Variants in IQCM observed in about 807,000 individuals in gnomAD.
The protein encoded by IQCM is IQ domain-containing protein M.
A neutral mutation model predicts 57.6 loss-of-function variants in IQCM; 45 were observed. The observed-to-expected ratio is 0.78, with a 90% confidence interval of 0.62 to 1.00. The LOEUF is 1.00. Among genes scored for constraint, IQCM ranks in the 50% least tolerant of loss-of-function variants. IQCM has a pLI of 0.00. For synonymous variants in IQCM, 148 were observed against 158.9 expected (o/e 0.93, Z 0.51); for missense variants, 468 against 511.6 (o/e 0.91, Z 0.82).
intron 12 of IQCM, among the ~76,000 whole-genome samples, chr4:149,525,769 T>C (rs1162554910): frequency 6.6e-6 from 1 of 151,844 alleles, no homozygotes; most frequent in African/African-American, 2.4e-5. Context: ...ACATAGAAAT[T>C]TAAAGATTTC....
intron 5 of IQCM, among the ~76,000 whole-genome samples, chr4:149,731,875 G>A (rs570972261): frequency 6.6e-6 from 1 of 152,016 alleles, no homozygotes; most frequent in African/African-American, 2.4e-5. Context: ...TTATTTAAAT[G>A]TTTCTAACCA....
chr4:149,456,018 C>A (rs1203405758), intron 12 of IQCM, among the ~76,000 whole-genome samples: 1 of 151,724 alleles, frequency 6.6e-6, no homozygotes, highest in Non-Finnish European at 1.5e-5. Flanking sequence ...AGATTTCTTA[C>A]TTCACCATCA....
intron 2 of IQCM, among the ~76,000 whole-genome samples, chr4:149,748,525 C>T (rs189666342): frequency 2.2e-3 from 330 of 152,052 alleles, no homozygotes; most frequent in Middle Eastern, 6.8e-3. Flanking sequence ...CTCTTTTTTT[C>T]ACCTTTTGAC....
At chr4:149,620,522 A>G (rs1296310672) in intron 8 of IQCM, among the ~76,000 whole-genome samples, 1 of 152,256 alleles carries the variant, frequency 6.6e-6, no homozygotes, top group African/African-American at 2.4e-5. Flanking sequence ...AATGTTGTAA[A>G]ATAGCATTAC....
rs1354358119 is a variant in IQCM at position 149,368,912 on chromosome 4, ATATG to A, written c.1391-16850_1391-16847del. Reference sequence around the variant, plus strand: ...TATGTATATATATACACGTGTATATATATGTGTATATATATACACGTGTATATAT... The same window carrying A: ...TATGTATATATATACACGTGTATATATGTATATATATACACGTGTATATAT... On this transcript the variant is annotated intron_variant, in intron 13 of 13. Coordinates refer to ENST00000636793, the MANE Select transcript of IQCM (RefSeq NM_001363507.2). Among the ~76,000 whole-genome samples the A allele has an allele frequency of 1.3e-4, 10 of 76,024 alleles. 4 individuals are homozygous for A. The highest frequency in any genetic ancestry group is 4.0e-4 in the African/African-American group (9 of 22,280). The allele number at this position is 76,024 out of a possible 152,430, so 49.9% of individuals were successfully genotyped here. A position where few individuals can be genotyped will look rare whatever the true frequency, so the allele number is the denominator to read the frequency against.
intron 2 of IQCM, among the ~76,000 whole-genome samples, chr4:149,746,284 A>T (rs1336609854): frequency 6.6e-6 from 1 of 152,034 alleles, no homozygotes; most frequent in East Asian, 1.9e-4. Flanking sequence ...CAAGCCATAA[A>T]TCTTTTATTT....
chr4:149,815,748 T>C lies in IQCM; in HGVS notation c.-235A>G, dbSNP rs913541817. On this transcript the variant is annotated 5_prime_UTR_variant, in exon 1 of 14. Coordinates refer to ENST00000636793, the MANE Select transcript of IQCM (RefSeq NM_001363507.2). ...CCAGCTTTATATTTCTTTAAATTTT[T>C]AAGACCAATTCAAAATAGGTAATGA... 3.3e-5 allele frequency: 5 copies of C among 152,030 alleles called. No homozygotes were observed. Among genetic ancestry groups the C allele is most frequent in the African/African-American group, 1.2e-4 (5 of 41,434 alleles). 9.4% of individuals were successfully genotyped at this position (152,030 alleles called of 1,614,324 possible). A position where few individuals can be genotyped will look rare whatever the true frequency, so the allele number is the denominator to read the frequency against.
rs1226749620 is a variant in IQCM, at chr4:149,621,219, T to C, written c.591A>G (p.Gly197=). The C allele has an allele frequency of 8.1e-7, 1 of 1,231,464 alleles. No homozygotes were observed. Among genetic ancestry groups the C allele is most frequent in the Non-Finnish European group, 1.0e-6 (1 of 987,346 alleles). The allele number at this position is 1,231,464 out of a possible 1,614,324, so 76.3% of individuals were successfully genotyped here. The change falls in exon 8 of 14, where the codon GGA becomes GGG. Residue 197 remains glycine (G), a synonymous_variant. Coordinates refer to ENST00000636793, the MANE Select transcript of IQCM (RefSeq NM_001363507.2). Reference sequence around the variant, plus strand: ...AACGGAAAGACCTTGTCAGCACAAATCCTCTCCAGTCATAGAATGCTTTGT... The same window carrying C: ...AACGGAAAGACCTTGTCAGCACAAACCCTCTCCAGTCATAGAATGCTTTGT... ...EPDKAFYDWR[G]FVLTRSFRLA...
At chr4:149,547,565 G>A (rs964540336) in intron 12 of IQCM, among the ~76,000 whole-genome samples, 1 of 152,026 alleles carries the variant, frequency 6.6e-6, no homozygotes, top group African/African-American at 2.4e-5. Context: ...TAAGTTCTGG[G>A]GATCTAATGT....
chr4:149,367,429 T>C lies in IQCM; in HGVS notation c.1391-15363A>G, dbSNP rs146797134. 1.2e-3 allele frequency among the ~76,000 whole-genome samples: 188 copies of C among 152,124 alleles called. 1 individual carries two copies. The highest frequency in any genetic ancestry group is 4.4e-3 in the African/African-American group (183 of 41,548). ...GCTTATTCTTGTTTTACAGAAATTA[T>C]ATCATACTATTCACATTTTGACTTA... On this transcript the variant is annotated intron_variant, in intron 13 of 13. Coordinates refer to ENST00000636793, the MANE Select transcript of IQCM (RefSeq NM_001363507.2).
At chr4:149,555,481 G>A (rs1237349952) in intron 10 of IQCM, among the ~76,000 whole-genome samples, 1 of 152,176 alleles carries the variant, frequency 6.6e-6, no homozygotes, top group African/African-American at 2.4e-5. Context: ...TAGAGTAACT[G>A]TAGTACCAAT....
intron 7 of IQCM, among the ~76,000 whole-genome samples, chr4:149,640,917 G>A (rs1468131696): frequency 6.6e-6 from 1 of 152,126 alleles, no homozygotes; most frequent in Non-Finnish European, 1.5e-5. Flanking sequence ...ATCATCTAAG[G>A]TCAGGAGTTC....
At chr4:149,437,038 G>A (rs1263544932) in intron 12 of IQCM, among the ~76,000 whole-genome samples, 2 of 152,092 alleles carry the variant, frequency 1.3e-5, no homozygotes, top group African/African-American at 4.8e-5. Context: ...AGCATAGGGA[G>A]GTTACAGGGC....
chr4:149,758,510 G>T (rs1418322502), intron 2 of IQCM, among the ~76,000 whole-genome samples: 2 of 152,122 alleles, frequency 1.3e-5, no homozygotes, highest in Non-Finnish European at 2.9e-5. Context: ...CTTCTGCTCT[G>T]TAAAAGACAC....
chr4:149,686,274 G>T, intron 6 of IQCM, 104 bp downstream of exon 6: 1 of 433,902 alleles, frequency 2.3e-6, no homozygotes, highest in Non-Finnish European at 3.8e-6. Flanking sequence ...TTCATGTATG[G>T]GGTGTTAATA....
intron 7 of IQCM, among the ~76,000 whole-genome samples, chr4:149,647,227 C>T (rs1910467): frequency 3.4e-4 from 52 of 152,168 alleles, no homozygotes; most frequent in African/African-American, 1.1e-3. Context: ...TCTTTAATAC[C>T]TTAACTTATA....
intron 7 of IQCM, among the ~76,000 whole-genome samples, chr4:149,667,869 C>T (rs1368859512): frequency 6.6e-6 from 1 of 151,422 alleles, no homozygotes; most frequent in Non-Finnish European, 1.5e-5. Context: ...AGCATGAAGA[C>T]AAGATTAGAG....
chr4:149,700,320 C>T (rs993361087), intron 5 of IQCM, among the ~76,000 whole-genome samples: 15 of 152,078 alleles, frequency 9.9e-5, no homozygotes, highest in African/African-American at 3.6e-4. Context: ...AATCCGGCCC[C>T]TTGTAATTGT....
At chr4:149,558,880 C>G (rs1385286295) in intron 10 of IQCM, among the ~76,000 whole-genome samples, 2 of 152,188 alleles carry the variant, frequency 1.3e-5, no homozygotes, top group African/African-American at 4.8e-5. Flanking sequence ...TCAACTGCTT[C>G]CCAGACATCT....
Sources: gnomAD v4.1 joint callset for allele counts (sites outside exome capture counted in the v4.1 genomes callset) on GRCh38, gnomAD v4.1.1 for gene constraint, MANE v1.5 for transcripts, NCBI Gene and HGNC (gene_info 2026-07-23, HGNC 2026-07-21) for gene names.